NAALADL2: variants seen among roughly 807,000 people sequenced by gnomAD.
The protein encoded by NAALADL2 is inactive N-acetylated-alpha-linked acidic dipeptidase-like protein 2.
In NAALADL2, 76 loss-of-function variants were observed where a neutral mutation model predicts 87.2. The observed-to-expected ratio is 0.87, with a 90% CI of 0.72 to 1.05. The LOEUF is 1.05. NAALADL2 is among the 50% of genes least tolerant of loss of function. The probability of loss-of-function intolerance (pLI) is 0.00; values close to 1 mark genes in which losing one functional copy is unlikely to be tolerated. For missense variants in NAALADL2, 1,089 were observed against 945.8 expected (o/e 1.15, Z -1.99); for synonymous variants, 354 against 331.0 (o/e 1.07, Z -0.75).
intron 5 of NAALADL2, among the ~76,000 whole-genome samples, chr3:175,330,313 A>G (rs1272036126): frequency 1.3e-5 from 2 of 152,158 alleles, no homozygotes; most frequent in African/African-American, 4.8e-5. Flanking sequence ...TACATTTTGC[A>G]GATGCCTTTG....
chr3:175,726,597 T>G (rs577522917), intron 11 of NAALADL2, among the ~76,000 whole-genome samples: 1 of 152,296 alleles, frequency 6.6e-6, no homozygotes, highest in African/African-American at 2.4e-5. Context: ...GGTACACTAC[T>G]GTGTGTCAGC....
At chr3:174,992,946 A>T (rs1746937345) in intron 1 of NAALADL2, among the ~76,000 whole-genome samples, 1 of 152,092 alleles carries the variant, frequency 6.6e-6, no homozygotes, top group African/African-American at 2.4e-5. Flanking sequence ...GTTGACTAGA[A>T]AGTGTTGGAG....
intron 9 of NAALADL2, among the ~76,000 whole-genome samples, chr3:175,481,114 G>C (rs1359837014): frequency 1.3e-5 from 2 of 151,792 alleles, no homozygotes; most frequent in Admixed American, 6.6e-5. Context: ...TAAAAAAGCA[G>C]TATTATCATT....
At chr3:175,166,193 C>T (rs1049290104) in intron 2 of NAALADL2, among the ~76,000 whole-genome samples, 2 of 152,208 alleles carry the variant, frequency 1.3e-5, no homozygotes, top group Admixed American at 6.6e-5. Context: ...ACCCCTTGAA[C>T]ATGACTTTCT....
intron 11 of NAALADL2, among the ~76,000 whole-genome samples, chr3:175,687,521 A>C (rs1736459954): frequency 6.6e-6 from 1 of 152,190 alleles, no homozygotes; most frequent in African/African-American, 2.4e-5. Context: ...TGGAGGAGTT[A>C]GTGGTGATGA....
At chr3:175,080,120 G>C (rs370057607) in intron 1 of NAALADL2, among the ~76,000 whole-genome samples, 3 of 151,820 alleles carry the variant, frequency 2.0e-5, no homozygotes, top group South Asian at 2.1e-4. Flanking sequence ...CGCCCGCCAC[G>C]GCGCCCGGCT....
At chr3:175,561,617 T>C (rs1158017710) in intron 9 of NAALADL2, among the ~76,000 whole-genome samples, 1 of 152,180 alleles carries the variant, frequency 6.6e-6, no homozygotes, top group Non-Finnish European at 1.5e-5. Flanking sequence ...GCAATATCTA[T>C]AGAAGTATGT....
chr3:175,576,241 G>C, intron 10 of NAALADL2, 54 bp downstream of exon 10: 1 of 1,497,470 alleles, frequency 6.7e-7, no homozygotes, highest in Non-Finnish European at 9.0e-7. Context: ...TAGACCTGCA[G>C]AATTTGATTT....
chr3:174,803,644 G>T (rs1253264960), intron 3 of NAALADL2, among the ~76,000 whole-genome samples: 1 of 152,128 alleles, frequency 6.6e-6, no homozygotes, highest in Non-Finnish European at 1.5e-5. Flanking sequence ...GTTAATTTTT[G>T]TATAAGGTGT....
intron 4 of NAALADL2, among the ~76,000 whole-genome samples, chr3:175,277,332 G>A (rs1753735468): frequency 6.6e-6 from 1 of 152,044 alleles, no homozygotes; most frequent in African/African-American, 2.4e-5. Context: ...CTCATGTTTT[G>A]ACTAACGTAT....
rs574634520 is a variant in NAALADL2, at chr3:175,362,571, C to G, written c.1090+38246C>G. Among the ~76,000 whole-genome samples, 22 of 147,868 alleles carry G rather than the reference C, an allele frequency of 1.5e-4. 2 individuals carry two copies. The highest frequency in any genetic ancestry group is 5.4e-4 in the African/African-American group (22 of 40,766). ...GCACTATATATCACAATATCTTTAT[C>G]CATTCATTGATTTATGGGCATTTGG... is the stretch of plus-strand genomic sequence containing the variant. On this transcript the variant is annotated intron_variant, in intron 5 of 13. Coordinates refer to ENST00000454872, the MANE Select transcript of NAALADL2 (RefSeq NM_207015.3).
chr3:174,613,440 AAGTC>A (rs1407325410), intron 2 of NAALADL2, among the ~76,000 whole-genome samples: 1 of 83,478 alleles, frequency 1.2e-5, no homozygotes, highest in Non-Finnish European at 2.1e-5. Context: ...AAAACCTTAG[AAGTC>A]TATCTACTTA....
At chr3:174,492,446 A>G (rs1364012632) in intron 1 of NAALADL2, among the ~76,000 whole-genome samples, 2 of 152,162 alleles carry the variant, frequency 1.3e-5, no homozygotes, top group Non-Finnish European at 2.9e-5. Flanking sequence ...AAATTTTTGG[A>G]AAACAAAGAC....
At chr3:175,386,021 A>G (rs1768338223) in intron 5 of NAALADL2, among the ~76,000 whole-genome samples, 1 of 152,034 alleles carries the variant, frequency 6.6e-6, no homozygotes, top group South Asian at 2.1e-4. Flanking sequence ...CTGTGTGAGC[A>G]TCGTATGACC....
intron 4 of NAALADL2, among the ~76,000 whole-genome samples, chr3:175,318,802 C>A (rs186607322): frequency 6.6e-6 from 1 of 152,142 alleles, no homozygotes; most frequent in African/African-American, 2.4e-5. Context: ...TCTCCCCAAC[C>A]GCTCTCTAGC....
At chr3:175,192,955 C>CT (rs533504454) in intron 2 of NAALADL2, among the ~76,000 whole-genome samples, 141 of 147,196 alleles carry the variant, frequency 9.6e-4, no homozygotes, top group South Asian at 5.0e-3. Flanking sequence ...CTGATTTATG[C>CT]TTTTTTTTTT....
At chr3:175,378,228 C>A (rs373255638) in intron 5 of NAALADL2, among the ~76,000 whole-genome samples, 2 of 151,950 alleles carry the variant, frequency 1.3e-5, no homozygotes, top group African/African-American at 4.8e-5. Flanking sequence ...CTTACCTGTG[C>A]GCTCACTCCC....
chr3:175,318,804 C>T (rs1424840128), intron 4 of NAALADL2, among the ~76,000 whole-genome samples: 1 of 152,166 alleles, frequency 6.6e-6, no homozygotes, highest in Non-Finnish European at 1.5e-5. Context: ...TCCCCAACCG[C>T]TCTCTAGCAA....
chr3:175,130,239 TTATCAGA>T (rs1289034831), intron 2 of NAALADL2, among the ~76,000 whole-genome samples: 6 of 152,220 alleles, frequency 3.9e-5, no homozygotes, highest in African/African-American at 1.4e-4. Context: ...TATTAACTTC[TTATCAGA>T]TATCAGATAT....
Sources: allele counts gnomAD v4.1 joint callset (sites outside exome capture counted in the v4.1 genomes callset), GRCh38; gene constraint gnomAD v4.1.1; transcripts MANE v1.5; gene names NCBI Gene and HGNC (gene_info 2026-07-23, HGNC 2026-07-21).